The following TSPAN5 variants were observed in gnomAD, a reference collection of about 807,000 sequenced individuals.
TSPAN5 encodes tetraspanin 5.
Under a neutral mutation model 37.1 loss-of-function variants are expected in TSPAN5, and 10 were observed. The observed-to-expected ratio is 0.27, with a 90% CI of 0.17 to 0.46. The LOEUF is 0.46. Among genes scored for constraint, TSPAN5 ranks in the 20% least tolerant of loss-of-function variants. The pLI is 1.00. For synonymous variants in TSPAN5, 110 were observed against 118.9 expected (o/e 0.93, Z 0.48); for missense variants, 195 against 326.6 (o/e 0.60, Z 3.11).
chr4:98,486,623 CT>C, intron 3 of TSPAN5, 114 bp downstream of exon 3: 2 of 1,183,488 alleles, frequency 1.7e-6, no homozygotes, highest in Non-Finnish European at 2.5e-6. Context: ...GACCTGGGCC[CT>C]ACTTTGGCCA....
At position 98,513,433 on chromosome 4, in the gene TSPAN5, T is replaced by C. The variant is rs181601393; in HGVS notation, c.82-5705A>G. Among the ~76,000 whole-genome samples, 427 of 152,134 alleles carry C rather than the reference T, an allele frequency of 2.8e-3. 7 individuals are homozygous for C. The highest frequency in any genetic ancestry group is 0.027 in the Admixed American group (416 of 15,278). ...TAGAGTCTGAGTGCATCTACAGTGA[T>C]CAAAAGGAGGTGACTTTGGTAATAC... On this transcript the variant is annotated intron_variant, in intron 1 of 7. Coordinates refer to ENST00000305798, the MANE Select transcript of TSPAN5 (RefSeq NM_005723.4).
intron 5 of TSPAN5, among the ~76,000 whole-genome samples, chr4:98,476,878 G>C (rs2110254153): frequency 6.6e-6 from 1 of 152,302 alleles, no homozygotes; most frequent in East Asian, 1.9e-4. Context: ...GTACTTCCAT[G>C]TTACTTAAAT....
chr4:98,536,191 T>C (rs1189873182), intron 1 of TSPAN5, among the ~76,000 whole-genome samples: 1 of 152,236 alleles, frequency 6.6e-6, no homozygotes, highest in Non-Finnish European at 1.5e-5. Context: ...TCTTTAATGT[T>C]GGTGACCTTC....
chr4:98,614,000 T>C (rs570168745), intron 1 of TSPAN5, among the ~76,000 whole-genome samples: 26 of 152,106 alleles, frequency 1.7e-4, no homozygotes, highest in Non-Finnish European at 3.5e-4. Context: ...TCTCCTTATT[T>C]CTGGAACTCT....
At position 98,551,555 on chromosome 4, in the gene TSPAN5, G is replaced by A. The variant is rs182807094; in HGVS notation, c.82-43827C>T. 9.8e-3 allele frequency among the ~76,000 whole-genome samples: 1,428 copies of A among 146,438 alleles called. 23 individuals carry two copies. Among genetic ancestry groups the A allele is most frequent in the African/African-American group, 0.034 (1,322 of 39,434 alleles). The stretch of plus-strand genomic sequence containing the variant: ...CACCCAGGCTGGAGTGCAGTGGCGC[G>A]ATCTTGGCTCACTGCAACCTCCGCC... On this transcript the variant is annotated intron_variant, in intron 1 of 7. Transcript: ENST00000305798.
At chr4:98,569,066 G>A (rs560791368) in intron 1 of TSPAN5, among the ~76,000 whole-genome samples, 8 of 152,330 alleles carry the variant, frequency 5.3e-5, no homozygotes, top group Admixed American at 3.3e-4. Context: ...CCTCCTGACT[G>A]TGAAATGGAT....
At chr4:98,485,762 C>CTTTTTTTTTTTTTTTTTT (rs766494512) in intron 3 of TSPAN5, among the ~76,000 whole-genome samples, 2 of 86,596 alleles carry the variant, frequency 2.3e-5, no homozygotes, top group African/African-American at 9.0e-5. Context: ...CTTGGATATG[C>CTTTTTTTTTTTTTTTTTT]TTTTTTTTTT....
At chr4:98,531,945 A>T (rs190536272) in intron 1 of TSPAN5, among the ~76,000 whole-genome samples, 1 of 152,106 alleles carries the variant, frequency 6.6e-6, no homozygotes, top group East Asian at 1.9e-4. Flanking sequence ...TTCTTTGTAG[A>T]TTCTGGATGT....
chr4:98,536,865 G>A (rs1167073147), intron 1 of TSPAN5, among the ~76,000 whole-genome samples: 2 of 152,222 alleles, frequency 1.3e-5, no homozygotes, highest in Admixed American at 6.5e-5. Flanking sequence ...TAGTGCCCCA[G>A]GTGGAGCTCA....
chr4:98,590,533 A>C (rs1755599906), intron 1 of TSPAN5, among the ~76,000 whole-genome samples: 1 of 151,610 alleles, frequency 6.6e-6, no homozygotes, highest in African/African-American at 2.4e-5. Flanking sequence ...ACACGCTGAA[A>C]CCCCGTCTCT....
chr4:98,525,207 T>G (rs923027514), intron 1 of TSPAN5, among the ~76,000 whole-genome samples: 2 of 152,228 alleles, frequency 1.3e-5, no homozygotes, highest in Admixed American at 1.3e-4. Context: ...AAAACTGGGC[T>G]CCAAATGTGA....
intron 1 of TSPAN5, among the ~76,000 whole-genome samples, chr4:98,511,957 G>A (rs1266395902): frequency 1.3e-5 from 2 of 152,210 alleles, no homozygotes; most frequent in East Asian, 3.9e-4. Flanking sequence ...GTTCACACCT[G>A]TAATCCCAGC....
chr4:98,582,492 C>T (rs1328293544), intron 1 of TSPAN5, among the ~76,000 whole-genome samples: 5 of 152,232 alleles, frequency 3.3e-5, no homozygotes, highest in South Asian at 2.1e-4. Context: ...AAGAGATTTG[C>T]TTTCCGTTTT....
chr4:98,483,171 G>A (rs1312924516), intron 3 of TSPAN5: 2 of 152,250 alleles, frequency 1.3e-5, no homozygotes, highest in Non-Finnish European at 2.9e-5. Context: ...GTAAATTTCT[G>A]GTGACAACAG....
intron 1 of TSPAN5, among the ~76,000 whole-genome samples, chr4:98,511,703 C>G (rs192919366): frequency 6.6e-6 from 1 of 152,024 alleles, no homozygotes; most frequent in Admixed American, 6.5e-5. Flanking sequence ...TATTTATTAT[C>G]GATTACATCT....
At chr4:98,621,939 G>A (rs1332419117) in intron 1 of TSPAN5, among the ~76,000 whole-genome samples, 1 of 152,106 alleles carries the variant, frequency 6.6e-6, no homozygotes, top group Non-Finnish European at 1.5e-5. Flanking sequence ...GTTCATCCAT[G>A]TTGTAGCATG....
At chr4:98,567,281 T>C (rs1350160352) in intron 1 of TSPAN5, among the ~76,000 whole-genome samples, 1 of 152,154 alleles carries the variant, frequency 6.6e-6, no homozygotes, top group Non-Finnish European at 1.5e-5. Flanking sequence ...CTACAGTGGA[T>C]AGTCAAAATC....
intron 1 of TSPAN5, among the ~76,000 whole-genome samples, chr4:98,611,568 A>G (rs546700941): frequency 6.6e-6 from 1 of 152,356 alleles, no homozygotes; most frequent in African/African-American, 2.4e-5. Flanking sequence ...GCTTACCAAC[A>G]TGAACTGTAC....
intron 1 of TSPAN5, among the ~76,000 whole-genome samples, chr4:98,511,346 C>T (rs945986155): frequency 6.6e-6 from 1 of 152,188 alleles, no homozygotes; most frequent in Non-Finnish European, 1.5e-5. Flanking sequence ...TGTACTTACA[C>T]AAGCCTAGAT....
Sources: allele counts gnomAD v4.1 joint callset (sites outside exome capture counted in the v4.1 genomes callset), GRCh38; gene constraint gnomAD v4.1.1; transcripts MANE v1.5; gene names NCBI Gene and HGNC (gene_info 2026-07-23, HGNC 2026-07-21).